Variants in CERS3 observed in about 807,000 individuals in gnomAD.
The protein encoded by CERS3 is LAG1 homolog, ceramide synthase 3.
CERS3 carries 33 observed loss-of-function variants against 50.3 expected under a neutral mutation model. The observed-to-expected ratio is 0.66, with a 90% CI of 0.50 to 0.88. CERS3 has a LOEUF of 0.88. Among genes scored for constraint, CERS3 ranks in the 40% least tolerant of loss-of-function variants. CERS3 has a pLI of 0.00. For missense variants in CERS3, 470 were observed against 460.3 expected (o/e 1.02, Z -0.19); for synonymous variants, 176 against 155.2 (o/e 1.13, Z -0.99).
chr15:100,517,612 A>G (rs2036527442), intron 2 of CERS3, among the ~76,000 whole-genome samples: 1 of 152,148 alleles, frequency 6.6e-6, no homozygotes, highest in Non-Finnish European at 1.5e-5. Flanking sequence ...CACTTTTAGG[A>G]AAGGATTTGG....
intron 10 of CERS3, among the ~76,000 whole-genome samples, chr15:100,463,976 C>T (rs968734218): frequency 6.6e-6 from 1 of 152,180 alleles, no homozygotes; most frequent in Non-Finnish European, 1.5e-5. Context: ...GTGCTTTCAG[C>T]TTTATCTTTC....
chr15:100,479,890 G>A, intron 6 of CERS3, 99 bp downstream of exon 6: 4 of 830,856 alleles, frequency 4.8e-6, no homozygotes, highest in Admixed American at 2.7e-5. Flanking sequence ...TCTAAAACTG[G>A]TTATCTTATT....
rs1246887575 is a variant in CERS3 at position 100,515,809 on chromosome 15, A to G, written c.-2+5858T>C. 3.3e-5 allele frequency among the ~76,000 whole-genome samples: 5 copies of G among 152,164 alleles called. 1 individual carries two copies. The highest frequency in any genetic ancestry group is 7.3e-5 in the Non-Finnish European group (5 of 68,040). On this transcript the variant is annotated intron_variant, in intron 2 of 11. Coordinates refer to ENST00000679737, the MANE Select transcript of CERS3 (RefSeq NM_001378789.1). The stretch of plus-strand genomic sequence containing the variant: ...AAGCTGGTGGCTGGGTAAGTAGGCA[A>G]TGGTGTTGCAAAACTGAGAAATGTT...
At chr15:100,505,960 G>A (rs1485312119) in intron 2 of CERS3, among the ~76,000 whole-genome samples, 1 of 152,224 alleles carries the variant, frequency 6.6e-6, no homozygotes. Context: ...GTTTCAGTGA[G>A]CCAAAATGGG....
At chr15:100,465,944 C>A (rs1231209186) in intron 10 of CERS3, among the ~76,000 whole-genome samples, 2 of 152,190 alleles carry the variant, frequency 1.3e-5, no homozygotes, top group Non-Finnish European at 2.9e-5. Context: ...CAGGCGTGAG[C>A]TACCGTGCCT....
intron 11 of CERS3, among the ~76,000 whole-genome samples, chr15:100,423,907 T>C (rs969871053): frequency 6.6e-6 from 1 of 151,900 alleles, no homozygotes; most frequent in African/African-American, 2.4e-5. Context: ...TAAATTTTTT[T>C]CTCCATAAAT....
At chr15:100,444,754 G>A (rs1421193190) in intron 11 of CERS3, among the ~76,000 whole-genome samples, 2 of 152,152 alleles carry the variant, frequency 1.3e-5, no homozygotes, top group Non-Finnish European at 1.5e-5. Context: ...CCTGAGTCAG[G>A]AAACTAAAAT....
intron 6 of CERS3, 37 bp downstream of exon 6, chr15:100,479,952 G>C: frequency 6.6e-7 from 1 of 1,505,296 alleles, no homozygotes; most frequent in Non-Finnish European, 9.2e-7. Context: ...AAAAATTAAA[G>C]ACAAATTCCA....
At chr15:100,450,201 A>C (rs1431187484) in intron 11 of CERS3, among the ~76,000 whole-genome samples, 2 of 152,080 alleles carry the variant, frequency 1.3e-5, no homozygotes, top group Non-Finnish European at 2.9e-5. Flanking sequence ...TGGGCAGATC[A>C]TGAGGTCAGG....
At chr15:100,531,389 G>T (rs1029891465), upstream of CERS3, among the ~76,000 whole-genome samples, 1 of 152,168 alleles carries the variant, frequency 6.6e-6, no homozygotes, top group African/African-American at 2.4e-5. Flanking sequence ...GAACTCGGAG[G>T]GTTTGCTGGT....
At chr15:100,541,796 G>A (rs1421888248) in intron 1 of CERS3, among the ~76,000 whole-genome samples, 1 of 149,938 alleles carries the variant, frequency 6.7e-6, no homozygotes, top group Non-Finnish European at 1.5e-5. Flanking sequence ...ACAATATTTA[G>A]ATAAATAAAT....
At chr15:100,477,788 C>T (rs2035178636) in intron 7 of CERS3, among the ~76,000 whole-genome samples, 1 of 152,118 alleles carries the variant, frequency 6.6e-6, no homozygotes, top group Non-Finnish European at 1.5e-5. Flanking sequence ...GAAAAGGAGT[C>T]ATGGTAAGCA....
At chr15:100,525,586 A>T (rs957753182) in intron 1 of CERS3, among the ~76,000 whole-genome samples, 1 of 152,208 alleles carries the variant, frequency 6.6e-6, no homozygotes, top group Non-Finnish European at 1.5e-5. Context: ...GTCCACCATC[A>T]ACAGAAAGCC....
At chr15:100,507,237 T>C (rs2036211603) in intron 2 of CERS3, among the ~76,000 whole-genome samples, 1 of 152,218 alleles carries the variant, frequency 6.6e-6, no homozygotes, top group East Asian at 1.9e-4. Flanking sequence ...AAAGCAAAAT[T>C]GAACTCTCCT....
intron 2 of CERS3, among the ~76,000 whole-genome samples, chr15:100,511,025 C>G (rs755639267): frequency 6.6e-6 from 1 of 152,188 alleles, no homozygotes; most frequent in Non-Finnish European, 1.5e-5. Context: ...CGGTAACTCA[C>G]GCCTCTAATC....
chr15:100,505,172 T>A (rs1402865108), intron 2 of CERS3, among the ~76,000 whole-genome samples: 1 of 152,196 alleles, frequency 6.6e-6, no homozygotes, highest in African/African-American at 2.4e-5. Context: ...AGGGAACACA[T>A]AGCAATGACA....
chr15:100,423,943 C>CTTTT lies in CERS3; in HGVS notation c.1000-21082_1000-21079dup, dbSNP rs113638589. Among the ~76,000 whole-genome samples the CTTTT allele has an allele frequency of 7.2e-5, 10 of 139,702 alleles. No individual in the cohort carries two copies. In the South Asian group the frequency reaches 1.1e-3, roughly 16 times the overall value. The allele number at this position is 139,702 out of a possible 152,430, so 91.6% of individuals were successfully genotyped here. On this transcript the variant is annotated intron_variant, in intron 11 of 11. Coordinates refer to ENST00000679737, the MANE Select transcript of CERS3 (RefSeq NM_001378789.1). Reference sequence around the variant, plus strand: ...TACTCAGTCTCATATTTCTTTCTTTCTTTTTTTTTTTTTTTGAGGTGGAGT... The same window carrying CTTTT: ...TACTCAGTCTCATATTTCTTTCTTTCTTTTTTTTTTTTTTTTTTTGAGGTGGAGT...
chr15:100,458,014 GTA>G (rs2034432006), intron 10 of CERS3, among the ~76,000 whole-genome samples: 1 of 151,408 alleles, frequency 6.6e-6, no homozygotes, highest in Non-Finnish European at 1.5e-5. Flanking sequence ...GTTTTAAGGT[GTA>G]CATTAAAGAT....
chr15:100,430,071 G>A (rs1295744304), intron 11 of CERS3, among the ~76,000 whole-genome samples: 2 of 151,988 alleles, frequency 1.3e-5, no homozygotes, highest in African/African-American at 4.8e-5. Context: ...CCAGCACTTT[G>A]GGAGGCAGAG....
Sources: gnomAD v4.1 joint callset for allele counts (sites outside exome capture counted in the v4.1 genomes callset) on GRCh38, gnomAD v4.1.1 for gene constraint, MANE v1.5 for transcripts, NCBI Gene and HGNC (gene_info 2026-07-23, HGNC 2026-07-21) for gene names.